Variants in ZMYM1 observed in about 807,000 individuals in gnomAD.
ZMYM1 encodes zinc finger MYM-type protein 1.
ZMYM1 carries 39 observed loss-of-function variants against 60.0 expected under a neutral mutation model. That is an observed-to-expected ratio of 0.65 (90% CI 0.50 to 0.85). The LOEUF (loss-of-function observed/expected upper bound fraction) is 0.85. Among genes scored for constraint, ZMYM1 ranks in the 40% least tolerant of loss-of-function variants. The probability of loss-of-function intolerance (pLI) is 0.00; values close to 1 mark genes in which losing one functional copy is unlikely to be tolerated. For synonymous variants in ZMYM1, 413 were observed against 454.0 expected, an observed-to-expected ratio of 0.91 and a Z score of 1.15; for missense variants, 1,171 against 1,309.5, an observed-to-expected ratio of 0.89 and a Z score of 1.63.
chr1:35,088,444 ATATATATATATGTGTGTGTGTG>A (rs1272471402), intron 1 of ZMYM1, among the ~76,000 whole-genome samples: 5 of 113,838 alleles, frequency 4.4e-5, no homozygotes, highest in African/African-American at 1.8e-4. Flanking sequence ...GTATATATAT[ATATATATATATGTGTGTGTGTG>A]TGTGTGTGTG....
At position 35,112,101 on chromosome 1, in the gene ZMYM1, G is replaced by T. The variant is rs148202342; in HGVS notation, c.1117G>T (p.Val373Leu). Reference protein sequence around the residue: ...TDVLQDTVSSVTATADVIVDL... With the variant: ...TDVLQDTVSSLTATADVIVDL... ...TATTTTAACAGATACAGTTTCTTCA[G>T]TAACAGCAACAGCAGATGTCATTGT... The change falls in exon 9 of 10, where the codon GTA (valine) becomes TTA (leucine). Residue 373 changes from valine (V) to leucine (L), a missense_variant. Coordinates refer to ENST00000359858, the MANE Select transcript of ZMYM1 (RefSeq NM_024772.5). 9,635 of 1,613,274 alleles carry T rather than the reference G, an allele frequency of 6.0e-3. 89 individuals carry two copies. The highest frequency in any genetic ancestry group is 5.4e-3 in the Non-Finnish European group (6,371 of 1,179,606).
chr1:35,112,888 AT>A, intron 9 of ZMYM1, 88 bp from the exon 10 acceptor site: 1 of 1,207,034 alleles, frequency 8.3e-7, no homozygotes. Flanking sequence ...TCAGCCATTT[AT>A]TTTACTATGT....
At position 35,095,889 on chromosome 1, in the gene ZMYM1, G is replaced by C. The variant is rs758660940; in HGVS notation, c.167G>C (p.Ser56Thr). 8 of 1,603,828 alleles carry C rather than the reference G, an allele frequency of 5.0e-6. No homozygotes were observed. In the East Asian group the frequency reaches 1.8e-4, roughly 36 times the overall value. ...ELKINAVFSE[S>T]ASQLTAGIQL... ...AAAATAAATGCTGTGTTTTCAGAGA[G>C]TGGTAATAGAATTATTTAAGTTAGT... Residue 56 changes from serine (S) to threonine (T), a missense_variant and splice_region_variant, in exon 3 of 10, where the codon AGT becomes ACT. Coordinates refer to ENST00000359858, the MANE Select transcript of ZMYM1 (RefSeq NM_024772.5).
Position 35,111,061 on chromosome 1 carries a change from T to C in ZMYM1, c.961+614T>C, listed in dbSNP as rs186186655. On this transcript the variant is annotated intron_variant, in intron 7 of 9. Coordinates refer to ENST00000359858, the MANE Select transcript of ZMYM1 (RefSeq NM_024772.5). Reference sequence around the variant, plus strand: ...CAAAACATGGTACATAGGAGGCACTTGGTCAATATAGAGTTTAATACATTT... The same window carrying C: ...CAAAACATGGTACATAGGAGGCACTCGGTCAATATAGAGTTTAATACATTT... Among the ~76,000 whole-genome samples, 263 of 152,288 alleles carry C rather than the reference T, an allele frequency of 1.7e-3. 1 individual carries two copies. Among genetic ancestry groups the C allele is most frequent in the African/African-American group, 5.9e-3 (245 of 41,556 alleles).
At chr1:35,068,630 A>G (rs987218043) in intron 1 of ZMYM1, among the ~76,000 whole-genome samples, 7 of 145,708 alleles carry the variant, frequency 4.8e-5, no homozygotes, top group Non-Finnish European at 1.0e-4. Context: ...ACAACTGGAA[A>G]TCCATACGCA....
chr1:35,083,415 A>G (rs1220362053), intron 1 of ZMYM1, among the ~76,000 whole-genome samples: 1 of 151,812 alleles, frequency 6.6e-6, no homozygotes, highest in African/African-American at 2.4e-5. Flanking sequence ...ACCTCCCGAC[A>G]TGTTCAAATT....
chr1:35,082,660 T>C (rs1642450277), intron 1 of ZMYM1, among the ~76,000 whole-genome samples: 1 of 148,820 alleles, frequency 6.7e-6, no homozygotes, highest in African/African-American at 2.5e-5. Flanking sequence ...TAAATTCCCA[T>C]CTACTATTTT....
intron 1 of ZMYM1, among the ~76,000 whole-genome samples, chr1:35,072,033 C>G (rs948019054): frequency 1.3e-5 from 2 of 152,132 alleles, no homozygotes; most frequent in African/African-American, 4.8e-5. Context: ...ACTTGGGAGG[C>G]TGAGGCAGGA....
intron 2 of ZMYM1, among the ~76,000 whole-genome samples, chr1:35,094,685 T>TA: frequency 6.6e-6 from 1 of 152,098 alleles, no homozygotes; most frequent in Non-Finnish European, 1.5e-5. Flanking sequence ...CTTGTCTCTA[T>TA]AAAAAATACA....
intron 1 of ZMYM1, among the ~76,000 whole-genome samples, chr1:35,092,043 A>G (rs970489803): frequency 2.0e-5 from 3 of 151,908 alleles, no homozygotes; most frequent in Non-Finnish European, 2.9e-5. Context: ...CTCCTGCCTC[A>G]GCCTCCAGAG....
At chr1:35,102,376 A>G (rs1276144619) in intron 4 of ZMYM1, among the ~76,000 whole-genome samples, 1 of 152,194 alleles carries the variant, frequency 6.6e-6, no homozygotes, top group Non-Finnish European at 1.5e-5. Flanking sequence ...TGATTTTTGT[A>G]ATATGCTATT....
In ZMYM1 at chr1:35,114,065, T is replaced by C. The variant is rs201007038; in HGVS notation, c.2235T>C (p.Cys745=). The C allele has an allele frequency of 1.9e-6, 3 of 1,611,752 alleles. No individual in the cohort carries two copies. In the African/African-American group the frequency reaches 4.0e-5, roughly 22 times the overall value. The change falls in exon 10 of 10, where the codon TGT becomes TGC. Residue 745 remains cysteine (C), a synonymous_variant. Coordinates refer to ENST00000359858, the MANE Select transcript of ZMYM1 (RefSeq NM_024772.5). ...AACCAAGAGCTTTATACATACATTG[T>C]TATGCACACTTTTTGGATTTATCAA... ...KEEPRALYIH[C]YAHFLDLSII... is the part of the protein sequence containing the mutation.
intron 1 of ZMYM1, among the ~76,000 whole-genome samples, chr1:35,092,962 A>G (rs1027687694): frequency 2.6e-5 from 4 of 152,178 alleles, no homozygotes; most frequent in African/African-American, 9.6e-5. Flanking sequence ...GTTCAAGATC[A>G]TAGAGCAGGC....
rs10399657 is a variant in ZMYM1 at position 35,099,936 on chromosome 1, G to A, written c.419+2370G>A. Among the ~76,000 whole-genome samples, 740 of 152,182 alleles carry A rather than the reference G, an allele frequency of 4.9e-3. 7 individuals carry two copies. The highest frequency in any genetic ancestry group is 0.017 in the African/African-American group (708 of 41,526). On this transcript the variant is annotated intron_variant, in intron 4 of 9. Transcript: ENST00000359858. ...AGTCTCGTCTCAATCTGTCACCCAG[G>A]CCAGAGTGCAATGGTGCAATCTTGG...
chr1:35,114,178 A>G lies in ZMYM1; in HGVS notation c.2348A>G (p.Glu783Gly). Residue 783 changes from glutamate to glycine, a missense_variant, in exon 10 of 10, where the codon GAA becomes GGA. Coordinates refer to ENST00000359858, the MANE Select transcript of ZMYM1 (RefSeq NM_024772.5). ...SLFNTICMSGEMLANFRNIYR... is the reference protein window; with the variant it reads ...SLFNTICMSGGMLANFRNIYR... The stretch of plus-strand genomic sequence containing the variant: ...TTCAACACTATTTGTATGTCTGGGG[A>G]AATGTTGGCAAATTTTCGAAACATT... The G allele has an allele frequency of 6.2e-7, 1 of 1,611,374 alleles. No homozygotes were observed. Among genetic ancestry groups the G allele is most frequent in the Non-Finnish European group, 8.5e-7 (1 of 1,179,300 alleles).
At chr1:35,112,940 A>G (rs1285500567) in intron 9 of ZMYM1, 37 bp from the exon 10 acceptor site, 1 of 1,453,752 alleles carries the variant, frequency 6.9e-7, no homozygotes, top group Admixed American at 2.7e-5. Context: ...TAATTTTTGA[A>G]AACTGTTAAA....
rs35214559 is a variant in ZMYM1, at chr1:35,080,314, CTTTTT to C, written c.-75+887_-75+891del. Among the ~76,000 whole-genome samples the C allele has an allele frequency of 1.9e-4, 24 of 125,510 alleles. No individual in the cohort carries two copies. The East Asian group carries it at 4.8e-3, about 25-fold the overall frequency. 82.3% of individuals were successfully genotyped at this position (125,510 alleles called of 152,430 possible). On this transcript the variant is annotated intron_variant, in intron 1 of 9. Transcript: ENST00000359858. The stretch of plus-strand genomic sequence containing the variant: ...TTCTAGTTCCCATATATTTGTGCTT[CTTTTT>C]TTTTTTTTTTTTTTGGAGACTGGGT...
intron 1 of ZMYM1, among the ~76,000 whole-genome samples, chr1:35,080,710 A>T (rs1171700516): frequency 2.6e-5 from 4 of 151,940 alleles, no homozygotes; most frequent in Admixed American, 6.6e-5. Context: ...TTCACCTCCC[A>T]GAAGACTGAC....
rs1298364883 is a variant in ZMYM1, at chr1:35,114,711, G to C, written c.2881G>C (p.Glu961Gln). 6.3e-7 allele frequency: 1 copy of C among 1,576,290 alleles called. No individual in the cohort carries two copies. The highest frequency in any genetic ancestry group is 8.6e-7 in the Non-Finnish European group (1 of 1,163,914). ...DNMFFPTSTE[E>Q]QYKINIYYQG... ...TATGTTTTTTCCTACTTCAACAGAA[G>C]AACAATATAAAATTAATATCTATTA... Residue 961 changes from glutamate (E) to glutamine (Q), a missense_variant, in exon 10 of 10, where the codon GAA (glutamate) becomes CAA (glutamine). Transcript: ENST00000359858.
Sources: allele counts gnomAD v4.1 joint callset (sites outside exome capture counted in the v4.1 genomes callset), GRCh38; gene constraint gnomAD v4.1.1; transcripts MANE v1.5; gene names NCBI Gene and HGNC (gene_info 2026-07-23, HGNC 2026-07-21).